SGK2: variants seen among roughly 807,000 people sequenced by gnomAD.
The protein encoded by SGK2 is serum/glucocorticoid regulated kinase 2, also known as serine/threonine-protein kinase Sgk2.
A neutral mutation model predicts 47.5 loss-of-function variants in SGK2; 36 were observed. The ratio of observed to expected loss-of-function variants is 0.76; its 90% confidence interval spans 0.58 to 1.00. SGK2 has a LOEUF of 1.00. SGK2 is among the 50% of genes least tolerant of loss of function. The pLI, the probability that SGK2 is intolerant of heterozygous loss-of-function variation, is 0.00. For missense variants in SGK2, 404 were observed against 467.4 expected (o/e 0.86, Z 1.25); for synonymous variants, 157 against 181.9 (o/e 0.86, Z 1.10).
At chr20:43,571,090 T>C in intron 8 of SGK2, 30 bp downstream of exon 8, 1 of 1,609,910 alleles carries the variant, frequency 6.2e-7, no homozygotes. Flanking sequence ...TGTGTGTGTG[T>C]GTGTGTGTGT....
rs1358202468 is a variant in SGK2, at chr20:43,579,853, A to C, written c.850-119A>C. The C allele has an allele frequency of 8.1e-6, 6 of 744,458 alleles. No homozygotes were observed. In the African/African-American group the frequency reaches 1.0e-4, roughly 13 times the overall value. The allele number at this position is 744,458 out of a possible 1,614,324, so 46.1% of individuals were successfully genotyped here. On this transcript the variant is annotated intron_variant, in intron 11 of 12. Transcript: ENST00000373100. ...TCCCAGGAAACTAGCCAGAACTGCA[A>C]GTTAATTTCCAGTTGACAGCCAGTT...
chr20:43,584,527 C>G (rs1472486573), intron 12 of SGK2, among the ~76,000 whole-genome samples: 2 of 152,148 alleles, frequency 1.3e-5, no homozygotes, highest in Non-Finnish European at 1.5e-5. Flanking sequence ...CCTCCTACCC[C>G]CCACACAATG....
intron 9 of SGK2, among the ~76,000 whole-genome samples, chr20:43,573,326 TA>T (rs1194777810): frequency 6.6e-6 from 1 of 152,018 alleles, no homozygotes; most frequent in Non-Finnish European, 1.5e-5. Flanking sequence ...CCGTCTCTAC[TA>T]AAAATACAAA....
chr20:43,567,805 A>G (rs1403464435), intron 4 of SGK2, 83 bp downstream of exon 4: 1 of 1,565,144 alleles, frequency 6.4e-7, no homozygotes, highest in African/African-American at 1.4e-5. Flanking sequence ...GTATGTATGA[A>G]GAGAGAGCAC....
intron 8 of SGK2, 66 bp downstream of exon 8, chr20:43,571,126 C>G: frequency 4.4e-6 from 7 of 1,601,380 alleles, no homozygotes; most frequent in Non-Finnish European, 5.9e-6. Context: ...GGTACACTAT[C>G]TGACCATGAG....
At chr20:43,580,592 G>A (rs555702544) in intron 12 of SGK2, among the ~76,000 whole-genome samples, 14 of 151,908 alleles carry the variant, frequency 9.2e-5, no homozygotes, top group South Asian at 2.1e-4. Flanking sequence ...GCCAGACATG[G>A]TGGTGCACAC....
intron 12 of SGK2, chr20:43,583,795 C>G (rs1980942137): frequency 5.8e-6 from 1 of 172,342 alleles, no homozygotes; most frequent in Non-Finnish European, 1.2e-5. Context: ...ATGGCGAGAC[C>G]CCCATCTTTA....
intron 1 of SGK2, among the ~76,000 whole-genome samples, chr20:43,560,289 A>G (rs1979302751): frequency 6.6e-6 from 1 of 152,206 alleles, no homozygotes; most frequent in South Asian, 2.1e-4. Flanking sequence ...ACCTGAGGTC[A>G]GGAGTTTGAG....
In SGK2 at chr20:43,566,208, G is replaced by A. The variant is rs539005202; in HGVS notation, c.-23-265G>A. 8.0e-6 allele frequency: 7 copies of A among 873,900 alleles called. No homozygotes were observed. In the African/African-American group the frequency reaches 1.0e-4, roughly 13 times the overall value. 54.1% of individuals were successfully genotyped at this position (873,900 alleles called of 1,614,324 possible). A position where few individuals can be genotyped will look rare whatever the true frequency, so the allele number is the denominator to read the frequency against. On this transcript the variant is annotated intron_variant, in intron 1 of 12. Transcript: ENST00000373100. The stretch of plus-strand genomic sequence containing the variant: ...GTTGCCCTGGGTGTCCCCAGTTCTT[G>A]AAAAGAATCAGCCTGGGAGGGGCCA...
At position 43,567,068 on chromosome 20, in the gene SGK2, C is replaced by T. The variant is rs1979776809; in HGVS notation, c.37C>T (p.Pro13Ser). Residue 13 changes from proline (P) to serine (S), a missense_variant and splice_region_variant, in exon 3 of 13, where the codon CCC becomes TCC. Coordinates refer to ENST00000373100, the MANE Select transcript of SGK2 (RefSeq NM_170693.3). ...SSPAGTPSPQ[P>S]SRANGNINLG... ...TGATCATAATCACTTCTTTCTTTAGCCCTCCAGGGCCAATGGGAACATCAA... is the reference window on the plus strand; with the variant it reads ...TGATCATAATCACTTCTTTCTTTAGTCCTCCAGGGCCAATGGGAACATCAA... 3 of 1,613,646 alleles carry T rather than the reference C, an allele frequency of 1.9e-6. No individual in the cohort carries two copies. The highest frequency in any genetic ancestry group is 1.3e-5 in the African/African-American group (1 of 75,028).
At chr20:43,575,055 G>T (rs1202878806) in intron 10 of SGK2, 51 bp downstream of exon 10, 2 of 1,234,346 alleles carry the variant, frequency 1.6e-6, no homozygotes, top group Admixed American at 3.6e-5. Flanking sequence ...GGATGGGTCT[G>T]TCTCTCATGT....
chr20:43,581,164 C>T lies in SGK2; in HGVS notation c.939+1103C>T, dbSNP rs889616262. Among the ~76,000 whole-genome samples, 4 of 152,084 alleles carry T rather than the reference C, an allele frequency of 2.6e-5. No homozygotes were observed. The East Asian group carries it at 7.7e-4, about 29-fold the overall frequency. The stretch of plus-strand genomic sequence containing the variant: ...TGCTGGGATTACAGGCGTGAGCCAC[C>T]GTGCCTGGCCTGTTTTGTTTTGTTT... On this transcript the variant is annotated intron_variant, in intron 12 of 12. Transcript: ENST00000373100.
At chr20:43,562,787 C>G (rs1356226759) in intron 1 of SGK2, among the ~76,000 whole-genome samples, 1 of 151,926 alleles carries the variant, frequency 6.6e-6, no homozygotes, top group Non-Finnish European at 1.5e-5. Flanking sequence ...AGACATCTGA[C>G]TAGTGAATTG....
chr20:43,571,358 G>A (rs779529665), intron 8 of SGK2, among the ~76,000 whole-genome samples: 3 of 152,196 alleles, frequency 2.0e-5, no homozygotes, highest in African/African-American at 4.8e-5. Context: ...CAGACTCTGA[G>A]ATGGAGAGGA....
At chr20:43,584,605 C>G (rs1384771689) in intron 12 of SGK2, among the ~76,000 whole-genome samples, 2 of 152,184 alleles carry the variant, frequency 1.3e-5, no homozygotes, top group Non-Finnish European at 2.9e-5. Flanking sequence ...CGAACAGTAC[C>G]TGGTAGGCAT....
chr20:43,567,221 C>A, intron 3 of SGK2, 104 bp downstream of exon 3: 1 of 986,886 alleles, frequency 1.0e-6, no homozygotes, highest in Non-Finnish European at 1.6e-6. Flanking sequence ...GCATTCAAGA[C>A]TGTCTGCCAT....
intron 12 of SGK2, among the ~76,000 whole-genome samples, chr20:43,584,591 G>GC (rs1164515243): frequency 2.0e-5 from 3 of 152,236 alleles, no homozygotes; most frequent in Admixed American, 6.5e-5. Flanking sequence ...TGTTCCCAGC[G>GC]CCACGAACAG....
In SGK2 at chr20:43,570,608, C is replaced by T. The variant is rs200425123; in HGVS notation, c.361-9C>T. 3 of 1,590,336 alleles carry T rather than the reference C, an allele frequency of 1.9e-6. No homozygotes were observed. The highest frequency in any genetic ancestry group is 2.6e-6 in the Non-Finnish European group (3 of 1,163,308). On this transcript the variant is annotated splice_polypyrimidine_tract_variant and intron_variant, in intron 6 of 12. Coordinates refer to ENST00000373100, the MANE Select transcript of SGK2 (RefSeq NM_170693.3). ...CAATAACTCCTGTCACACTCCTCCT[C>T]CCCTCCAGCTCTTCTTCCACCTGCA...
rs180770994 is a variant in SGK2, at chr20:43,561,067, A to G, written c.-24+1908A>G. On this transcript the variant is annotated intron_variant, in intron 1 of 12. Coordinates refer to ENST00000373100, the MANE Select transcript of SGK2 (RefSeq NM_170693.3). ...GGACTATAGCGGTTTTAGCACTGAA[A>G]CCCATCAGTCCCAGACAAACCAAGA... is the stretch of plus-strand genomic sequence containing the variant. Among the ~76,000 whole-genome samples, 8 of 152,312 alleles carry G rather than the reference A, an allele frequency of 5.3e-5. No individual in the cohort carries two copies. In the East Asian group the frequency reaches 1.5e-3, roughly 29 times the overall value.
Sources: allele counts gnomAD v4.1 joint callset (sites outside exome capture counted in the v4.1 genomes callset), GRCh38; gene constraint gnomAD v4.1.1; transcripts MANE v1.5; gene names NCBI Gene and HGNC (gene_info 2026-07-23, HGNC 2026-07-21).